Variants in CNTN5 observed in about 807,000 individuals in gnomAD.
The protein encoded by CNTN5 is contactin-5.
A neutral mutation model predicts 129.1 loss-of-function variants in CNTN5; 77 were observed. The observed-to-expected ratio is 0.60, with a 90% CI of 0.50 to 0.72. The LOEUF (loss-of-function observed/expected upper bound fraction) is 0.72, where lower values mean the gene tolerates loss of function less well. Ranked by LOEUF, CNTN5 falls within the 30% of genes least tolerant of loss-of-function variation. The pLI is 0.00. For missense variants in CNTN5, 1,478 were observed against 1,328.8 expected, an observed-to-expected ratio of 1.11 and a Z score of -1.75; for synonymous variants, 509 against 465.6, an observed-to-expected ratio of 1.09 and a Z score of -1.20.
At chr11:99,488,095 A>G (rs942855884) in intron 2 of CNTN5, among the ~76,000 whole-genome samples, 4 of 150,078 alleles carry the variant, frequency 2.7e-5, no homozygotes, top group Admixed American at 1.3e-4. Context: ...TTTCTTATTT[A>G]TTTATTTTTT....
chr11:99,963,120 C>T (rs1380115547), intron 8 of CNTN5, among the ~76,000 whole-genome samples: 2 of 152,168 alleles, frequency 1.3e-5, no homozygotes, highest in South Asian at 4.1e-4. Flanking sequence ...CCTGTTCAAT[C>T]TGATGGTAGT....
chr11:100,018,259 GTACC>G (rs978516785), intron 9 of CNTN5, among the ~76,000 whole-genome samples: 2 of 151,762 alleles, frequency 1.3e-5, no homozygotes, highest in African/African-American at 4.8e-5. Context: ...AGCATATCCA[GTACC>G]TACCTATTAA....
chr11:99,194,744 T>G (rs1020866201), intron 1 of CNTN5, among the ~76,000 whole-genome samples: 2 of 152,164 alleles, frequency 1.3e-5, no homozygotes, highest in African/African-American at 2.4e-5. Flanking sequence ...TAGCTGGGAC[T>G]ACAGGTGCAT....
intron 1 of CNTN5, among the ~76,000 whole-genome samples, chr11:99,259,358 A>G (rs984354391): frequency 1.3e-5 from 2 of 151,860 alleles, no homozygotes; most frequent in African/African-American, 2.4e-5. Context: ...TAATATTAAT[A>G]TATTCACATG....
intron 3 of CNTN5, among the ~76,000 whole-genome samples, chr11:99,781,209 T>G (rs1945298869): frequency 6.6e-6 from 1 of 152,100 alleles, no homozygotes; most frequent in Admixed American, 6.6e-5. Context: ...GCCTGAAACA[T>G]GAGCTGTGTC....
intron 13 of CNTN5, among the ~76,000 whole-genome samples, chr11:100,144,312 C>G (rs1422304130): frequency 3.3e-5 from 5 of 151,772 alleles, no homozygotes; most frequent in Non-Finnish European, 4.4e-5. Context: ...TCTATTGAAA[C>G]CCATCACTGA....
chr11:99,145,352 G>A (rs1859729693), intron 1 of CNTN5, among the ~76,000 whole-genome samples: 1 of 145,900 alleles, frequency 6.9e-6, no homozygotes, highest in Non-Finnish European at 1.5e-5. Flanking sequence ...TTACAGGTGT[G>A]AGCTACCACG....
intron 2 of CNTN5, among the ~76,000 whole-genome samples, chr11:99,391,421 T>C (rs1200606958): frequency 6.6e-6 from 1 of 152,154 alleles, no homozygotes; most frequent in African/African-American, 2.4e-5. Flanking sequence ...ATGAGCAAAC[T>C]AATAGATGGG....
chr11:99,521,160 C>G (rs1416644121), intron 2 of CNTN5, among the ~76,000 whole-genome samples: 1 of 152,110 alleles, frequency 6.6e-6, no homozygotes, highest in East Asian at 1.9e-4. Context: ...TACTCCTCCT[C>G]CTCCTCCTTC....
intron 24 of CNTN5, among the ~76,000 whole-genome samples, chr11:100,352,967 A>G (rs949057458): frequency 6.6e-6 from 1 of 151,518 alleles, no homozygotes; most frequent in East Asian, 1.9e-4. Flanking sequence ...GGTGTTTTCT[A>G]TATATTATTT....
chr11:100,331,574 T>C (rs1356327137), intron 21 of CNTN5, among the ~76,000 whole-genome samples: 1 of 152,066 alleles, frequency 6.6e-6, no homozygotes, highest in Non-Finnish European at 1.5e-5. Context: ...AGATAGACTA[T>C]ATGATAGGCC....
chr11:99,197,451 A>G (rs1382891344), intron 1 of CNTN5, among the ~76,000 whole-genome samples: 3 of 152,074 alleles, frequency 2.0e-5, no homozygotes, highest in African/African-American at 7.2e-5. Flanking sequence ...TGAGAAAGAA[A>G]GTCCACATTA....
At chr11:99,813,914 T>C (rs983492283) in intron 3 of CNTN5, among the ~76,000 whole-genome samples, 6 of 152,146 alleles carry the variant, frequency 3.9e-5, no homozygotes, top group African/African-American at 1.4e-4. Context: ...AGAGATCTTA[T>C]AAAAGTTCAA....
intron 1 of CNTN5, among the ~76,000 whole-genome samples, chr11:99,285,903 T>G (rs773176672): frequency 1.3e-5 from 2 of 152,010 alleles, no homozygotes; most frequent in African/African-American, 2.4e-5. Flanking sequence ...CCAGGTGTGG[T>G]GGTGGGCACC....
At chr11:99,813,573 G>A (rs1358945284) in intron 3 of CNTN5, among the ~76,000 whole-genome samples, 1 of 152,134 alleles carries the variant, frequency 6.6e-6, no homozygotes, top group Admixed American at 6.6e-5. Flanking sequence ...ACAGAAGTGA[G>A]TTCAAGTAAC....
chr11:99,068,334 T>C (rs543189614), intron 1 of CNTN5, among the ~76,000 whole-genome samples: 3 of 152,298 alleles, frequency 2.0e-5, no homozygotes, highest in Non-Finnish European at 4.4e-5. Context: ...GGATATAGGA[T>C]AGGAGTATTT....
At chr11:100,187,547 T>C (rs191102359) in intron 13 of CNTN5, among the ~76,000 whole-genome samples, 3 of 152,088 alleles carry the variant, frequency 2.0e-5, no homozygotes, top group African/African-American at 7.2e-5. Context: ...CAAACTATAG[T>C]ATAAGGTTAC....
At chr11:99,208,531 C>T (rs1253405147) in intron 1 of CNTN5, among the ~76,000 whole-genome samples, 11 of 152,032 alleles carry the variant, frequency 7.2e-5, no homozygotes, top group Admixed American at 2.0e-4. Context: ...AGCAAGATTT[C>T]GATTAAAGTT....
intron 3 of CNTN5, among the ~76,000 whole-genome samples, chr11:99,734,508 A>G (rs1469616675): frequency 2.0e-5 from 3 of 151,838 alleles, no homozygotes; most frequent in Non-Finnish European, 4.4e-5. Flanking sequence ...GTCATAAGTG[A>G]CTCCATTTTG....
Sources: allele counts gnomAD v4.1 joint callset (sites outside exome capture counted in the v4.1 genomes callset), GRCh38; gene constraint gnomAD v4.1.1; transcripts MANE v1.5; gene names NCBI Gene and HGNC (gene_info 2026-07-23, HGNC 2026-07-21).